EVI5: variants seen among roughly 807,000 people sequenced by gnomAD.
EVI5 encodes the protein ecotropic viral integration site 5 protein homolog.
A neutral mutation model predicts 112.0 loss-of-function variants in EVI5; 73 were observed. The ratio of observed to expected loss-of-function variants is 0.65; its 90% CI spans 0.54 to 0.79. EVI5 has a LOEUF of 0.79. EVI5 is among the 30% of genes least tolerant of loss of function. The pLI is 0.00. For missense variants in EVI5, 900 were observed against 968.8 expected (o/e 0.93, Z 0.94); for synonymous variants, 305 against 319.9 (o/e 0.95, Z 0.50).
intron 2 of EVI5, among the ~76,000 whole-genome samples, chr1:92,715,543 G>A (rs1051316308): frequency 1.1e-4 from 17 of 152,172 alleles, no homozygotes; most frequent in African/African-American, 1.7e-4. Flanking sequence ...CAGCGTGATC[G>A]ACGCAGAAGA....
intron 1 of EVI5, among the ~76,000 whole-genome samples, chr1:92,742,427 C>A (rs1165155817): frequency 1.3e-5 from 2 of 151,924 alleles, no homozygotes; most frequent in Admixed American, 1.3e-4. Context: ...AATCCCAGCA[C>A]TTCGGGAGGC....
At chr1:92,555,380 AATAG>A (rs1157136730) in intron 19 of EVI5, among the ~76,000 whole-genome samples, 4 of 152,222 alleles carry the variant, frequency 2.6e-5, no homozygotes, top group Non-Finnish European at 5.9e-5. Flanking sequence ...CACCAGTACA[AATAG>A]ATAGCACTGT....
chr1:92,543,989 T>C (rs1665265575), intron 19 of EVI5, among the ~76,000 whole-genome samples: 1 of 152,084 alleles, frequency 6.6e-6, no homozygotes, highest in Non-Finnish European at 1.5e-5. Flanking sequence ...CATTATTAGG[T>C]GACAAAAATA....
chr1:92,533,219 C>T (rs947347286), intron 19 of EVI5, among the ~76,000 whole-genome samples: 3 of 152,102 alleles, frequency 2.0e-5, no homozygotes, highest in Non-Finnish European at 4.4e-5. Context: ...TGGACACATA[C>T]ACCCAAGACT....
intron 3 of EVI5, chr1:92,703,932 CAA>C (rs57830016): frequency 1.1e-4 from 9 of 82,004 alleles, no homozygotes; most frequent in Non-Finnish European, 1.3e-4. Context: ...CTGTTGAAGG[CAA>C]AAAAAAAAAA....
At chr1:92,517,196 T>C (rs1660051758) in intron 19 of EVI5, among the ~76,000 whole-genome samples, 1 of 152,228 alleles carries the variant, frequency 6.6e-6, no homozygotes, top group South Asian at 2.1e-4. Flanking sequence ...TCCTCTATAC[T>C]GAACATGTAC....
At chr1:92,519,690 C>T (rs72722469) in intron 19 of EVI5, among the ~76,000 whole-genome samples, 17,181 of 151,726 alleles carry the variant, frequency 0.11, 1,293 homozygotes, top group Middle Eastern at 0.18. Flanking sequence ...GTCGGTACTT[C>T]GAGACCAGCC....
intron 18 of EVI5, among the ~76,000 whole-genome samples, chr1:92,599,460 A>C (rs1648650595): frequency 6.6e-6 from 1 of 151,996 alleles, no homozygotes; most frequent in Non-Finnish European, 1.5e-5. Flanking sequence ...TGATAACTGA[A>C]AAAAGTTTCA....
At chr1:92,779,743 A>T (rs976085693) in intron 1 of EVI5, among the ~76,000 whole-genome samples, 3 of 152,084 alleles carry the variant, frequency 2.0e-5, no homozygotes, top group Middle Eastern at 3.2e-3. Context: ...TGATATAAAA[A>T]TTTTTTTAAT....
rs535579464 is a variant in EVI5 at position 92,572,811 on chromosome 1, T to C, written c.2071-9074A>G. 2.0e-5 allele frequency among the ~76,000 whole-genome samples: 3 copies of C among 152,202 alleles called. No individual in the cohort carries two copies. The South Asian group carries it at 6.2e-4, about 32-fold the overall frequency. On this transcript the variant is annotated intron_variant, in intron 18 of 19. Transcript: ENST00000684568. ...AATTATAGAGTACAGCTTCTTATTC[T>C]GGACACTATGATATATGAATATAAA...
intron 19 of EVI5, among the ~76,000 whole-genome samples, chr1:92,559,810 T>C (rs1201523277): frequency 3.5e-5 from 5 of 144,650 alleles, no homozygotes; most frequent in African/African-American, 5.1e-5. Flanking sequence ...CTTCTTGGCA[T>C]TCCCATGCAA....
At chr1:92,604,987 T>C (rs916684429) in intron 18 of EVI5, among the ~76,000 whole-genome samples, 2 of 152,160 alleles carry the variant, frequency 1.3e-5, no homozygotes, top group Non-Finnish European at 2.9e-5. Flanking sequence ...GGTTTCCAGT[T>C]GCTGGTGGTT....
chr1:92,573,122 T>C (rs112854006), intron 18 of EVI5, among the ~76,000 whole-genome samples: 3 of 152,142 alleles, frequency 2.0e-5, no homozygotes, highest in South Asian at 2.1e-4. Flanking sequence ...ATGAACAACA[T>C]ACCCTAGAAA....
chr1:92,647,606 C>T (rs1661215397), intron 13 of EVI5: 1 of 472,762 alleles, frequency 2.1e-6, no homozygotes, highest in Non-Finnish European at 4.0e-6. Flanking sequence ...TAAGCAGACA[C>T]CTTTCCCTCT....
chr1:92,536,664 A>G (rs1408174430), intron 19 of EVI5, among the ~76,000 whole-genome samples: 1 of 152,210 alleles, frequency 6.6e-6, no homozygotes, highest in African/African-American at 2.4e-5. Context: ...CTTTTGTGAA[A>G]TAGAGAAGTG....
intron 13 of EVI5, among the ~76,000 whole-genome samples, chr1:92,641,005 T>G (rs1275716427): frequency 6.6e-6 from 1 of 151,950 alleles, no homozygotes; most frequent in Non-Finnish European, 1.5e-5. Flanking sequence ...CACTCTTAAG[T>G]GGGAGCTGAG....
chr1:92,746,944 A>C (rs1283322478), intron 1 of EVI5, among the ~76,000 whole-genome samples: 2 of 152,062 alleles, frequency 1.3e-5, no homozygotes, highest in East Asian at 1.9e-4. Flanking sequence ...TGAGCAAAAC[A>C]ACCATATATT....
chr1:92,516,612 G>A (rs558371554), intron 19 of EVI5, among the ~76,000 whole-genome samples: 1 of 152,210 alleles, frequency 6.6e-6, no homozygotes, highest in East Asian at 1.9e-4. Context: ...GTGGGCATTT[G>A]GGGAAGGAAT....
chr1:92,694,383 T>C lies in EVI5; in HGVS notation c.915A>G (p.Leu305=), dbSNP rs1162198167. The change falls in exon 8 of 20, where the codon TTA becomes TTG. Residue 305 remains leucine, a synonymous_variant. Coordinates refer to ENST00000684568, the MANE Select transcript of EVI5 (RefSeq NM_001350197.2). ...CTAATCCTACACGAAACACTATTTC[T>C]AAACCCTGAGGAAACAAATTAAATA... ...RIFDIFMSEG[L]EIVFRVGLAL... is the part of the protein sequence containing the mutation. 1.3e-5 allele frequency: 20 copies of C among 1,579,666 alleles called. No individual in the cohort carries two copies. Among genetic ancestry groups the C allele is most frequent in the Non-Finnish European group, 1.7e-5 (20 of 1,157,530 alleles).
Sources: gnomAD v4.1 joint callset for allele counts (sites outside exome capture counted in the v4.1 genomes callset) on GRCh38, gnomAD v4.1.1 for gene constraint, MANE v1.5 for transcripts, NCBI Gene and HGNC (gene_info 2026-07-23, HGNC 2026-07-21) for gene names.